Variants in MSTO1 observed in about 807,000 individuals in gnomAD.
The protein encoded by MSTO1 is protein misato homolog 1.
Under a neutral mutation model 55.7 loss-of-function variants are expected in MSTO1, and 24 were observed. The observed-to-expected ratio is 0.43, with a 90% CI of 0.31 to 0.61. The LOEUF (loss-of-function observed/expected upper bound fraction) is 0.61, where lower values mean the gene tolerates loss of function less well. MSTO1 is among the 20% of genes least tolerant of loss of function. The pLI is 0.09. For synonymous variants in MSTO1, 162 were observed against 252.8 expected (o/e 0.64, Z 3.41); for missense variants, 363 against 625.7 (o/e 0.58, Z 4.48).
upstream of MSTO1, chr1:155,610,083 G>C (rs1300342144): frequency 2.9e-6 from 2 of 689,584 alleles, no homozygotes; most frequent in Non-Finnish European, 4.8e-6. Flanking sequence ...CCACGTCTAG[G>C]AAGAGGTAGG....
the MSTO1 span, among the ~76,000 whole-genome samples, chr1:155,587,560 G>A: frequency 4.0e-5 from 6 of 150,484 alleles, no homozygotes; most frequent in Non-Finnish European, 7.4e-5. Context: ...TGGCTAACAC[G>A]GTGAAACCCC....
the MSTO1 span, chr1:155,565,925 TATG>T: frequency 6.6e-6 from 1 of 152,148 alleles, no homozygotes; most frequent in Non-Finnish European, 1.5e-5. Context: ...AACCTGTAAA[TATG>T]ATATGTTACA....
At chr1:155,579,227 C>G in the MSTO1 span, among the ~76,000 whole-genome samples, 2 of 151,824 alleles carry the variant, frequency 1.3e-5, no homozygotes, top group South Asian at 4.2e-4. Context: ...GCGGGAGAAT[C>G]GCTTGAACCC....
At chr1:155,605,153 C>A in the MSTO1 span, among the ~76,000 whole-genome samples, 2 of 151,524 alleles carry the variant, frequency 1.3e-5, no homozygotes, top group Non-Finnish European at 2.9e-5. Flanking sequence ...CCCAGCTACT[C>A]GGGAGGCTGA....
chr1:155,565,179 C>T, the MSTO1 span, among the ~76,000 whole-genome samples: 1 of 151,394 alleles, frequency 6.6e-6, no homozygotes, highest in African/African-American at 2.4e-5. Flanking sequence ...CCTGTAGTTC[C>T]ACCTACTTGG....
the MSTO1 span, chr1:155,566,149 C>T: frequency 6.6e-6 from 1 of 152,196 alleles, no homozygotes; most frequent in African/African-American, 2.4e-5. Flanking sequence ...AGCTCCCTTT[C>T]TTCAAATTGG....
At chr1:155,596,615 A>G in the MSTO1 span, among the ~76,000 whole-genome samples, 2 of 151,232 alleles carry the variant, frequency 1.3e-5, no homozygotes, top group African/African-American at 4.9e-5. Flanking sequence ...AGAGTCCCCA[A>G]CTCCACACAA....
upstream of MSTO1, among the ~76,000 whole-genome samples, chr1:155,609,244 T>TATATATATATATATATATA (rs1553289697): frequency 6.6e-5 from 1 of 15,068 alleles, no homozygotes; most frequent in Admixed American, 8.0e-4. Context: ...TATATATATA[T>TATATATATATATATATATA]TTTTTTTTTT....
At chr1:155,590,682 G>T in the MSTO1 span, 2 of 1,486,400 alleles carry the variant, frequency 1.3e-6, no homozygotes, top group South Asian at 1.3e-5. Context: ...CCATGTAATG[G>T]CTGGGGCCCC....
chr1:155,604,411 C>T, the MSTO1 span, among the ~76,000 whole-genome samples: 93 of 152,152 alleles, frequency 6.1e-4, no homozygotes, highest in African/African-American at 2.2e-3. Flanking sequence ...AACTAGAAAC[C>T]AGTAACAAAA....
chr1:155,597,388 T>C, the MSTO1 span, among the ~76,000 whole-genome samples: 15 of 150,294 alleles, frequency 1.0e-4, no homozygotes, highest in Admixed American at 9.9e-4. Flanking sequence ...GAGAATCACT[T>C]GAACCTGGGA....
rs199883211 is a variant in MSTO1 at position 155,614,852 on chromosome 1, C to T, written c.*579C>T. 2 of 1,580,916 alleles carry T rather than the reference C, an allele frequency of 1.3e-6. No homozygotes were observed. Among genetic ancestry groups the T allele is most frequent in the Non-Finnish European group, 1.7e-6 (2 of 1,162,860 alleles). On this transcript the variant is annotated 3_prime_UTR_variant, in exon 14 of 14. Coordinates refer to ENST00000245564, the MANE Select transcript of MSTO1 (RefSeq NM_018116.4). ...GCAGTGTGGAAGAGCTGCATGAGTT[C>T]TCGAAAATGGTGGGAAACCTAAGAA...
chr1:155,574,833 CGTG>C, the MSTO1 span, among the ~76,000 whole-genome samples: 1 of 151,510 alleles, frequency 6.6e-6, no homozygotes, highest in Non-Finnish European at 1.5e-5. Flanking sequence ...CCTGAGCCAC[CGTG>C]CACAGCCTCC....
upstream of MSTO1, chr1:155,610,076 C>A (rs1313176088): frequency 3.0e-6 from 2 of 668,548 alleles, no homozygotes; most frequent in African/African-American, 1.8e-5. Flanking sequence ...GACTGGGCCA[C>A]GTCTAGGAAG....
the MSTO1 span, among the ~76,000 whole-genome samples, chr1:155,572,807 C>T: frequency 0.015 from 2,277 of 151,994 alleles, 41 homozygotes; most frequent in African/African-American, 0.052. Context: ...TGCGCCACCA[C>T]GTCTGGCTAA....
At chr1:155,602,250 G>C in the MSTO1 span, 25 of 425,378 alleles carry the variant, frequency 5.9e-5, no homozygotes, top group South Asian at 5.3e-4. Context: ...AGACCGAGGA[G>C]GGTGAATCAC....
chr1:155,578,676 A>G, the MSTO1 span, among the ~76,000 whole-genome samples: 13 of 147,402 alleles, frequency 8.8e-5, no homozygotes, highest in African/African-American at 3.3e-4. Flanking sequence ...GCGCCCGGCT[A>G]ATTTTTTGTA....
chr1:155,606,219 TTTTTTTTTTTTG>T, upstream of MSTO1, among the ~76,000 whole-genome samples: 1 of 137,548 alleles, frequency 7.3e-6, no homozygotes, highest in African/African-American at 2.7e-5. Context: ...TTTTTTTTTT[TTTTTTTTTTTTG>T]TATTTTTAGT....
the MSTO1 span, among the ~76,000 whole-genome samples, chr1:155,578,292 A>G: frequency 8.4e-6 from 1 of 119,714 alleles, no homozygotes; most frequent in Non-Finnish European, 1.7e-5. Context: ...AACTGAAAGC[A>G]TTTATGGGGG....
Sources: gnomAD v4.1 joint callset for allele counts (sites outside exome capture counted in the v4.1 genomes callset) on GRCh38, gnomAD v4.1.1 for gene constraint, MANE v1.5 for transcripts, NCBI Gene and HGNC (gene_info 2026-07-23, HGNC 2026-07-21) for gene names.